Variants in CCDC30 observed in about 807,000 individuals in gnomAD.
The protein encoded by CCDC30 is coiled-coil domain containing 30.
A neutral mutation model predicts 100.2 loss-of-function variants in CCDC30; 70 were observed. That is an observed-to-expected ratio of 0.70 (90% CI 0.58 to 0.85). The LOEUF is 0.85. CCDC30 is among the 40% of genes least tolerant of loss of function. CCDC30 has a pLI of 0.00. For missense variants in CCDC30, 652 were observed against 771.2 expected (o/e 0.85, Z 1.83); for synonymous variants, 233 against 269.5 (o/e 0.86, Z 1.33).
intron 2 of CCDC30, among the ~76,000 whole-genome samples, chr1:42,482,014 C>T (rs749215892): frequency 4.6e-5 from 7 of 152,012 alleles, no homozygotes; most frequent in East Asian, 3.9e-4. Context: ...GTCAGGAGTT[C>T]GAGACCAGCT....
intron 9 of CCDC30, among the ~76,000 whole-genome samples, chr1:42,585,402 A>AT (rs941590415): frequency 1.3e-5 from 2 of 152,026 alleles, no homozygotes; most frequent in Non-Finnish European, 2.9e-5. Flanking sequence ...GCCTGGCCAC[A>AT]TTTTTTATAT....
intron 6 of CCDC30, among the ~76,000 whole-genome samples, chr1:42,552,608 T>A (rs12025132): frequency 0.43 from 64,970 of 151,916 alleles, 14,661 homozygotes; most frequent in South Asian, 0.59. Flanking sequence ...GGAAAAATTT[T>A]AAAAAAAATT....
intron 6 of CCDC30, among the ~76,000 whole-genome samples, chr1:42,525,599 G>T (rs192613361): frequency 1.0e-3 from 155 of 152,056 alleles, no homozygotes; most frequent in African/African-American, 3.6e-3. Context: ...TTCTTTGAAG[G>T]TTTAATAATA....
At chr1:42,598,638 T>A (rs1239263527) in intron 10 of CCDC30, among the ~76,000 whole-genome samples, 1 of 152,050 alleles carries the variant, frequency 6.6e-6, no homozygotes, top group Non-Finnish European at 1.5e-5. Context: ...TAGATATAAA[T>A]CAAATTATAT....
intron 6 of CCDC30, among the ~76,000 whole-genome samples, chr1:42,532,410 A>G (rs1407924655): frequency 6.6e-6 from 1 of 152,204 alleles, no homozygotes; most frequent in Non-Finnish European, 1.5e-5. Flanking sequence ...TTCCTTACCC[A>G]TTTCTCTATG....
At chr1:42,602,950 G>A (rs781487275) in intron 10 of CCDC30, among the ~76,000 whole-genome samples, 12 of 152,264 alleles carry the variant, frequency 7.9e-5, no homozygotes, top group African/African-American at 2.9e-4. Context: ...ATTTATCTCA[G>A]GTATGCAAAA....
intron 10 of CCDC30, among the ~76,000 whole-genome samples, chr1:42,601,287 A>T (rs1557437141): frequency 6.6e-6 from 1 of 152,234 alleles, no homozygotes; most frequent in Non-Finnish European, 1.5e-5. Context: ...CATATATTAG[A>T]AGAGAAGAAA....
intron 10 of CCDC30, 88 bp downstream of exon 14, chr1:42,589,571 C>T (rs1012892279): frequency 2.6e-5 from 31 of 1,208,078 alleles, no homozygotes; most frequent in African/African-American, 1.8e-4. Flanking sequence ...CTTTACTAAA[C>T]CTAATCCTTT....
At chr1:42,654,446 T>C (rs1396846822), downstream of CCDC30, 1 of 164,154 alleles carries the variant, frequency 6.1e-6, no homozygotes, top group East Asian at 1.8e-4. Flanking sequence ...CCCAGCACTT[T>C]GGGAGGCTGA....
At chr1:42,464,833 A>G (rs1156856964) in intron 1 of CCDC30, among the ~76,000 whole-genome samples, 2 of 152,222 alleles carry the variant, frequency 1.3e-5, no homozygotes, top group African/African-American at 4.8e-5. Flanking sequence ...TGATTTGGAT[A>G]TTTTGATTTC....
intron 6 of CCDC30, among the ~76,000 whole-genome samples, chr1:42,560,144 G>A (rs1360874618): frequency 6.6e-6 from 1 of 152,074 alleles, no homozygotes; most frequent in Non-Finnish European, 1.5e-5. Flanking sequence ...CTAAAGCAGT[G>A]GTAAGAGGGA....
At chr1:42,558,117 A>G in intron 6 of CCDC30, 1 of 309,124 alleles carries the variant, frequency 3.2e-6, no homozygotes, top group South Asian at 2.6e-5. Context: ...TTGAAAAATA[A>G]TTTGCATTTC....
In CCDC30 at chr1:42,464,713, C is replaced by G. The variant is rs1416181780; in HGVS notation, c.-92+815C>G. On this transcript the variant is annotated intron_variant, in intron 1 of 16. Coordinates refer to ENST00000668663, the Ensembl canonical transcript of CCDC30. ...TTGACTTAATTTGTCTTACAATACGCATTCCTTGTTGAATCTTACTATTTC... is the reference window on the plus strand; with the variant it reads ...TTGACTTAATTTGTCTTACAATACGGATTCCTTGTTGAATCTTACTATTTC... 2.0e-5 allele frequency among the ~76,000 whole-genome samples: 3 copies of G among 152,234 alleles called. No individual in the cohort carries two copies. The East Asian group carries it at 5.8e-4, about 29-fold the overall frequency.
At chr1:42,495,587 C>T (rs1269146372) in intron 4 of CCDC30, among the ~76,000 whole-genome samples, 1 of 151,372 alleles carries the variant, frequency 6.6e-6, no homozygotes, top group Non-Finnish European at 1.5e-5. Context: ...CCCAGCTACT[C>T]AGGAGGCTGA....
At chr1:42,646,256 T>A (rs372044452) in exon 15 of CCDC30, 13 of 1,551,112 alleles carry the variant, frequency 8.4e-6, no homozygotes, top group Non-Finnish European at 1.1e-5. Flanking sequence ...AATGCAGAAC[T>A]CCAGCATGAG....
At chr1:42,480,956 T>A (rs536744126) in intron 2 of CCDC30, among the ~76,000 whole-genome samples, 2 of 150,956 alleles carry the variant, frequency 1.3e-5, no homozygotes, top group Non-Finnish European at 3.0e-5. Flanking sequence ...TCAGTTTCTA[T>A]GAAAAATAAA....
In CCDC30 at chr1:42,559,799, C is replaced by T. The variant is rs143485239; in HGVS notation, c.457-6497C>T. ...CTCTGGATCTAATGGACCTAGTAGA[C>T]GTCTACAGAACTCTGTACCCCAAAT... On this transcript the variant is annotated intron_variant, in intron 6 of 16. Transcript: ENST00000668663. 7.1e-3 allele frequency among the ~76,000 whole-genome samples: 1,084 copies of T among 152,236 alleles called. 15 individuals carry two copies. Among genetic ancestry groups the T allele is most frequent in the African/African-American group, 0.025 (1,019 of 41,526 alleles).
intron 15 of CCDC30, among the ~76,000 whole-genome samples, chr1:42,647,781 C>A (rs1285077787): frequency 6.6e-6 from 1 of 152,114 alleles, no homozygotes; most frequent in Non-Finnish European, 1.5e-5. Context: ...ACCTTGGAAA[C>A]TACACAAACA....
intron 11 of CCDC30, among the ~76,000 whole-genome samples, chr1:42,619,236 G>A (rs1459605627): frequency 6.6e-6 from 1 of 152,130 alleles, no homozygotes; most frequent in Non-Finnish European, 1.5e-5. Flanking sequence ...TCTCTTCAGG[G>A]AAAAACATGC....
Sources: allele counts gnomAD v4.1 joint callset (sites outside exome capture counted in the v4.1 genomes callset), GRCh38; gene constraint gnomAD v4.1.1; transcripts MANE v1.5; gene names NCBI Gene and HGNC (gene_info 2026-07-23, HGNC 2026-07-21).